MEGF11: variants seen among roughly 807,000 people sequenced by gnomAD.
MEGF11 encodes the protein multiple epidermal growth factor-like domains protein 11.
Under a neutral mutation model 146.6 loss-of-function variants are expected in MEGF11, and 126 were observed. That is an observed-to-expected ratio of 0.86 (90% CI 0.74 to 1.00). The LOEUF is 1.00. Ranked by LOEUF, MEGF11 falls within the 50% of genes least tolerant of loss-of-function variation. MEGF11 has a pLI of 0.00. For missense variants in MEGF11, 1,509 were observed against 1,521.2 expected (o/e 0.99, Z 0.13); for synonymous variants, 532 against 583.4 (o/e 0.91, Z 1.27).
In MEGF11 at chr15:65,917,642, G is replaced by A. The variant is rs575078605; in HGVS notation, c.2086+324C>T. Among the ~76,000 whole-genome samples, 3 of 152,238 alleles carry A rather than the reference G, an allele frequency of 2.0e-5. No individual in the cohort carries two copies. The South Asian group carries it at 6.2e-4, about 32-fold the overall frequency. On this transcript the variant is annotated intron_variant, in intron 16 of 25. Transcript: ENST00000395614. ...ATCTCACTTCCCTACTCCCAAACTCGAGCATGCTGTTGCACCACCTCTTCC... is the reference window on the plus strand; with the variant it reads ...ATCTCACTTCCCTACTCCCAAACTCAAGCATGCTGTTGCACCACCTCTTCC...
At position 66,202,418 on chromosome 15, in the gene MEGF11, G is replaced by A. The variant is rs186713320; in HGVS notation, c.-9+51187C>T. On this transcript the variant is annotated intron_variant, in intron 1 of 25. Coordinates refer to ENST00000395614, the MANE Select transcript of MEGF11 (RefSeq NM_001385028.1). ...GCCCTCCATGCTAAGGTTGGGCTCC[G>A]TTCTCCTTGGTAACAGCCACTCAGG... is the stretch of plus-strand genomic sequence containing the variant. 6.6e-5 allele frequency among the ~76,000 whole-genome samples: 10 copies of A among 152,282 alleles called. No homozygotes were observed. In the East Asian group the frequency reaches 7.7e-4, roughly 12 times the overall value.
chr15:66,008,401 ACG>A (rs10531573), intron 5 of MEGF11, among the ~76,000 whole-genome samples: 23 of 125,334 alleles, frequency 1.8e-4, no homozygotes, highest in African/African-American at 7.4e-4. Flanking sequence ...ACACATGCAC[ACG>A]CGCGCGCGCA....
Position 66,150,126 on chromosome 15 carries a change from T to C in MEGF11, c.-8-21715A>G, listed in dbSNP as rs2089509333. ...CAGCCGGCTCCCCCTTTCATGTGGC[T>C]CTGGGGAGACAAAGCTTCTCTGATC... is the stretch of plus-strand genomic sequence containing the variant. On this transcript the variant is annotated intron_variant, in intron 1 of 25. Coordinates refer to ENST00000395614, the MANE Select transcript of MEGF11 (RefSeq NM_001385028.1). 2.6e-5 allele frequency among the ~76,000 whole-genome samples: 4 copies of C among 152,154 alleles called. No individual in the cohort carries two copies. The South Asian group carries it at 6.2e-4, about 24-fold the overall frequency.
At chr15:65,986,077 G>T (rs1031245986) in intron 5 of MEGF11, among the ~76,000 whole-genome samples, 1 of 151,390 alleles carries the variant, frequency 6.6e-6, no homozygotes, top group Non-Finnish European at 1.5e-5. Flanking sequence ...TCAGCCTCCC[G>T]AGTAGCTGGG....
intron 1 of MEGF11, among the ~76,000 whole-genome samples, chr15:66,130,337 C>G (rs2088586668): frequency 6.6e-6 from 1 of 152,150 alleles, no homozygotes; most frequent in African/African-American, 2.4e-5. Context: ...TGAATGCCAG[C>G]TGTAGGGGAT....
At chr15:66,006,723 C>T (rs1008308331) in intron 5 of MEGF11, among the ~76,000 whole-genome samples, 1 of 152,206 alleles carries the variant, frequency 6.6e-6, no homozygotes, top group Non-Finnish European at 1.5e-5. Context: ...CATTAAATAA[C>T]CTGTATATAA....
chr15:66,152,990 G>T (rs977605796), intron 1 of MEGF11, among the ~76,000 whole-genome samples: 1 of 152,246 alleles, frequency 6.6e-6, no homozygotes, highest in South Asian at 2.1e-4. Flanking sequence ...CCTGCTCTCC[G>T]CTCCTTCCCT....
chr15:66,136,451 C>T (rs1277971676), intron 1 of MEGF11, among the ~76,000 whole-genome samples: 1 of 152,198 alleles, frequency 6.6e-6, no homozygotes, highest in Non-Finnish European at 1.5e-5. Context: ...ACAGAAGAGC[C>T]TGGCTGTCAG....
At chr15:65,979,861 G>A in intron 7 of MEGF11, among the ~76,000 whole-genome samples, 1 of 152,144 alleles carries the variant, frequency 6.6e-6, no homozygotes, top group Non-Finnish European at 1.5e-5. Context: ...GGGAGTAATT[G>A]AGGCTTTTTT....
chr15:66,102,446 T>A (rs927589254), intron 4 of MEGF11, among the ~76,000 whole-genome samples: 5 of 148,970 alleles, frequency 3.4e-5, no homozygotes, highest in African/African-American at 1.2e-4. Context: ...TTTTTTTTTT[T>A]TTTTTGAGAC....
rs530558056 is a variant in MEGF11 at position 66,042,312 on chromosome 15, G to A, written c.394+52090C>T. ...TTTAGTAGAGACGGGGTTTCACCACGTTGGCCAGGCTAGTCTCGAACTCCT... is the reference window on the plus strand; with the variant it reads ...TTTAGTAGAGACGGGGTTTCACCACATTGGCCAGGCTAGTCTCGAACTCCT... On this transcript the variant is annotated intron_variant, in intron 5 of 25. Coordinates refer to ENST00000395614, the MANE Select transcript of MEGF11 (RefSeq NM_001385028.1). 3.9e-5 allele frequency among the ~76,000 whole-genome samples: 6 copies of A among 152,152 alleles called. No individual in the cohort carries two copies. In the South Asian group the frequency reaches 8.3e-4, roughly 21 times the overall value.
rs181509334 is a variant in MEGF11 at position 66,011,949 on chromosome 15, C to T, written c.395-29461G>A. Among the ~76,000 whole-genome samples, 273 of 151,998 alleles carry T rather than the reference C, an allele frequency of 1.8e-3. 1 individual carries two copies. Among genetic ancestry groups the T allele is most frequent in the South Asian group, 7.9e-3 (38 of 4,814 alleles). ...ATGATGTATGCATGTGCATAAAGAA[C>T]GCAAAATAGGGCTGGATGAGGTGGC... On this transcript the variant is annotated intron_variant, in intron 5 of 25. Coordinates refer to ENST00000395614, the MANE Select transcript of MEGF11 (RefSeq NM_001385028.1).
At chr15:66,127,197 T>G (rs1409872018) in intron 2 of MEGF11, among the ~76,000 whole-genome samples, 1 of 152,242 alleles carries the variant, frequency 6.6e-6, no homozygotes, top group Admixed American at 6.5e-5. Flanking sequence ...CAGATTGGAA[T>G]GAACTGAGGT....
chr15:65,927,177 A>G (rs1262302993), intron 13 of MEGF11, among the ~76,000 whole-genome samples: 1 of 152,238 alleles, frequency 6.6e-6, no homozygotes, highest in African/African-American at 2.4e-5. Flanking sequence ...TTTACTGAGC[A>G]CTTACTATGT....
intron 1 of MEGF11, among the ~76,000 whole-genome samples, chr15:66,194,062 G>C (rs139997817): frequency 1.5e-3 from 225 of 152,300 alleles, no homozygotes; most frequent in African/African-American, 5.1e-3. Flanking sequence ...CATGTTTACA[G>C]CAGTACAATT....
chr15:66,102,223 G>A (rs1200306925), intron 4 of MEGF11, among the ~76,000 whole-genome samples: 1 of 151,476 alleles, frequency 6.6e-6, no homozygotes, highest in Non-Finnish European at 1.5e-5. Context: ...CGGCCGAGCT[G>A]TTCGAACCAC....
intron 1 of MEGF11, among the ~76,000 whole-genome samples, chr15:66,170,951 A>T (rs1434892524): frequency 2.6e-5 from 4 of 152,092 alleles, no homozygotes; most frequent in Non-Finnish European, 5.9e-5. Context: ...GCCCCGGGGG[A>T]CCACCAAAGG....
At position 65,929,896 on chromosome 15, in the gene MEGF11, A is replaced by C. The variant is rs553172065; in HGVS notation, c.1409-13T>G. The stretch of plus-strand genomic sequence containing the variant: ...AGGCCCTGCCACCCTGAGGGGAGGG[A>C]AAGGGACTGTCACTTCTCCATCCAG... On this transcript the variant is annotated splice_polypyrimidine_tract_variant and intron_variant, in intron 11 of 25. Coordinates refer to ENST00000395614, the MANE Select transcript of MEGF11 (RefSeq NM_001385028.1). 3.1e-6 allele frequency: 5 copies of C among 1,589,840 alleles called. No individual in the cohort carries two copies. The highest frequency in any genetic ancestry group is 4.3e-6 in the Non-Finnish European group (5 of 1,167,710).
intron 1 of MEGF11, among the ~76,000 whole-genome samples, chr15:66,223,344 AT>A (rs1430698411): frequency 3.3e-5 from 5 of 152,094 alleles, no homozygotes; most frequent in African/African-American, 1.2e-4. Flanking sequence ...GGGAGGGGAA[AT>A]GGGGAGTGAC....
Sources: gnomAD v4.1 joint callset for allele counts (sites outside exome capture counted in the v4.1 genomes callset) on GRCh38, gnomAD v4.1.1 for gene constraint, MANE v1.5 for transcripts, NCBI Gene and HGNC (gene_info 2026-07-23, HGNC 2026-07-21) for gene names.